Variants in B3GALT1 observed in about 807,000 individuals in gnomAD.
B3GALT1 encodes UDP-Gal:betaGlcNAc beta 1,3-galactosyltransferase, polypeptide 1.
A neutral mutation model predicts 23.2 loss-of-function variants in B3GALT1; 10 were observed. The ratio of observed to expected loss-of-function variants is 0.43; its 90% CI spans 0.27 to 0.73. The LOEUF is 0.73. Among genes scored for constraint, B3GALT1 ranks in the 30% least tolerant of loss-of-function variants. The pLI, the probability that B3GALT1 is intolerant of heterozygous loss-of-function variation, is 0.21. For missense variants in B3GALT1, 299 were observed against 405.4 expected, an observed-to-expected ratio of 0.74 and a Z score of 2.25; for synonymous variants, 156 against 141.5, an observed-to-expected ratio of 1.10 and a Z score of -0.73.
At chr2:167,774,075 G>A (rs1433951473) in intron 3 of B3GALT1, among the ~76,000 whole-genome samples, 3 of 152,158 alleles carry the variant, frequency 2.0e-5, no homozygotes, top group Non-Finnish European at 4.4e-5. Context: ...TGTAAAGCAC[G>A]TTTTTTCATA....
intron 2 of B3GALT1, among the ~76,000 whole-genome samples, chr2:167,625,767 C>T (rs138177829): frequency 6.6e-6 from 1 of 150,944 alleles, no homozygotes; most frequent in Non-Finnish European, 1.5e-5. Context: ...TTCTGTCCCC[C>T]CCTTTAATTT....
rs11893973 is a variant in B3GALT1, at chr2:167,332,168, A to G, written c.-511+38834A>G. Reference sequence around the variant, plus strand: ...TACACAATAGTCAAGGGGACCTCCCATGGCTAGGATTATAGGAGTCCACAG... The same window carrying G: ...TACACAATAGTCAAGGGGACCTCCCGTGGCTAGGATTATAGGAGTCCACAG... On this transcript the variant is annotated intron_variant, in intron 1 of 4. Coordinates refer to ENST00000392690, the MANE Select transcript of B3GALT1 (RefSeq NM_020981.4). Among the ~76,000 whole-genome samples the G allele has an allele frequency of 2.6e-3, 403 of 152,232 alleles. 1 individual carries two copies. Among genetic ancestry groups the G allele is most frequent in the African/African-American group, 9.0e-3 (373 of 41,550 alleles).
intron 1 of B3GALT1, among the ~76,000 whole-genome samples, chr2:167,343,210 G>A (rs749744710): frequency 3.3e-5 from 5 of 152,076 alleles, no homozygotes; most frequent in Non-Finnish European, 5.9e-5. Context: ...GAGGAAACTT[G>A]CTTTATGACA....
At chr2:167,345,904 A>G (rs183599810) in intron 1 of B3GALT1, among the ~76,000 whole-genome samples, 1 of 152,194 alleles carries the variant, frequency 6.6e-6, no homozygotes, top group African/African-American at 2.4e-5. Context: ...CATCATCTGA[A>G]AACAAAGTTA....
At chr2:167,863,544 C>T (rs1690147487) in intron 4 of B3GALT1, among the ~76,000 whole-genome samples, 1 of 152,208 alleles carries the variant, frequency 6.6e-6, no homozygotes, top group Non-Finnish European at 1.5e-5. Context: ...AGAAAATCCA[C>T]ACCACAAGTC....
intron 4 of B3GALT1, among the ~76,000 whole-genome samples, chr2:167,864,119 A>G (rs1201045670): frequency 6.6e-6 from 1 of 152,028 alleles, no homozygotes; most frequent in African/African-American, 2.4e-5. Context: ...AGCATCTTCA[A>G]GCTTTAATGT....
intron 3 of B3GALT1, among the ~76,000 whole-genome samples, chr2:167,712,133 G>T (rs1443608749): frequency 2.0e-5 from 3 of 152,066 alleles, no homozygotes; most frequent in Non-Finnish European, 2.9e-5. Flanking sequence ...ATGGTTATGT[G>T]GGTTGATTCC....
At chr2:167,505,859 A>T (rs1037634801) in intron 2 of B3GALT1, among the ~76,000 whole-genome samples, 3 of 152,138 alleles carry the variant, frequency 2.0e-5, no homozygotes, top group African/African-American at 7.2e-5. Flanking sequence ...CAGGAGTTCG[A>T]GACCAGCCTG....
chr2:167,418,232 A>G (rs565021671), intron 1 of B3GALT1, among the ~76,000 whole-genome samples: 2 of 152,286 alleles, frequency 1.3e-5, no homozygotes, highest in Non-Finnish European at 2.9e-5. Context: ...ATTTCTTGAA[A>G]GCTCAGATCT....
At chr2:167,449,311 G>C (rs2105319024) in intron 1 of B3GALT1, among the ~76,000 whole-genome samples, 1 of 152,100 alleles carries the variant, frequency 6.6e-6, no homozygotes, top group Admixed American at 6.6e-5. Context: ...TCACTTCCTT[G>C]GTTAGGTATA....
chr2:167,837,010 A>G (rs955418965), intron 4 of B3GALT1, among the ~76,000 whole-genome samples: 15 of 152,212 alleles, frequency 9.9e-5, no homozygotes, highest in African/African-American at 3.4e-4. Flanking sequence ...CCTGCCCTAA[A>G]AGAGCTCCTG....
intron 1 of B3GALT1, among the ~76,000 whole-genome samples, chr2:167,368,913 C>G (rs1323491402): frequency 6.6e-6 from 1 of 151,752 alleles, no homozygotes; most frequent in Non-Finnish European, 1.5e-5. Flanking sequence ...GTGAGTATTC[C>G]TAAGATAGTA....
intron 2 of B3GALT1, among the ~76,000 whole-genome samples, chr2:167,616,410 A>G (rs190769478): frequency 8.8e-4 from 134 of 152,136 alleles, no homozygotes; most frequent in East Asian, 7.7e-4. Flanking sequence ...AAAAATATAT[A>G]ATAAAATGTA....
intron 1 of B3GALT1, among the ~76,000 whole-genome samples, chr2:167,339,508 T>C (rs543693724): frequency 1.3e-5 from 2 of 152,258 alleles, no homozygotes; most frequent in African/African-American, 4.8e-5. Flanking sequence ...GAGAGACTTA[T>C]GTACAAGGAC....
At chr2:167,485,526 A>G (rs1318363104) in intron 1 of B3GALT1, among the ~76,000 whole-genome samples, 3 of 152,116 alleles carry the variant, frequency 2.0e-5, no homozygotes, top group Non-Finnish European at 2.9e-5. Context: ...TCATAGTGCT[A>G]TGTATACAGT....
chr2:167,457,277 A>G (rs1699186738), intron 1 of B3GALT1, among the ~76,000 whole-genome samples: 1 of 151,900 alleles, frequency 6.6e-6, no homozygotes, highest in African/African-American at 2.4e-5. Flanking sequence ...GGTTCAAACG[A>G]TTCTCCTGCC....
intron 3 of B3GALT1, among the ~76,000 whole-genome samples, chr2:167,779,790 A>G (rs1688217699): frequency 1.3e-5 from 2 of 152,252 alleles, no homozygotes; most frequent in African/African-American, 4.8e-5. Context: ...TTGTTCTCAC[A>G]GTGCCACTCA....
chr2:167,564,489 C>G (rs1172166121), intron 2 of B3GALT1, among the ~76,000 whole-genome samples: 4 of 152,216 alleles, frequency 2.6e-5, no homozygotes, highest in Non-Finnish European at 5.9e-5. Context: ...GCAATCTCGG[C>G]ACCCTGGGAG....
At chr2:167,434,537 A>AAAC (rs1487285935) in intron 1 of B3GALT1, among the ~76,000 whole-genome samples, 2 of 151,774 alleles carry the variant, frequency 1.3e-5, no homozygotes, top group Non-Finnish European at 2.9e-5. Flanking sequence ...AAAAAAAAAA[A>AAAC]AAACCCACAT....
Sources: gnomAD v4.1 joint callset for allele counts (sites outside exome capture counted in the v4.1 genomes callset) on GRCh38, gnomAD v4.1.1 for gene constraint, MANE v1.5 for transcripts, NCBI Gene and HGNC (gene_info 2026-07-23, HGNC 2026-07-21) for gene names.